Variants in SLC25A48 observed in about 807,000 individuals in gnomAD.
The protein encoded by SLC25A48 is CTC-321K16.1.
SLC25A48 carries 29 observed loss-of-function variants against 32.2 expected under a neutral mutation model. The ratio of observed to expected loss-of-function variants is 0.90; its 90% CI spans 0.67 to 1.23. The LOEUF (loss-of-function observed/expected upper bound fraction) is 1.23, where lower values mean the gene tolerates loss of function less well. SLC25A48 is among the 50% of genes most tolerant of loss of function. The pLI is 0.00. For synonymous variants in SLC25A48, 164 were observed against 172.3 expected (o/e 0.95, Z 0.38); for missense variants, 399 against 422.7 (o/e 0.94, Z 0.49).
At chr5:135,621,130 A>G (rs776630482) in intron 1 of SLC25A48, among the ~76,000 whole-genome samples, 2 of 152,354 alleles carry the variant, frequency 1.3e-5, no homozygotes, top group South Asian at 2.1e-4. Context: ...CATGCTGCCA[A>G]GAGGAAAAGT....
At chr5:135,652,434 A>G (rs768967363) in intron 3 of SLC25A48, 1 of 456,198 alleles carries the variant, frequency 2.2e-6, no homozygotes, top group Non-Finnish European at 4.4e-6. Context: ...GACATTCTCC[A>G]TAGCGTTGCT....
chr5:135,737,842 C>A (rs1413565752), intron 3 of SLC25A48, among the ~76,000 whole-genome samples: 1 of 152,182 alleles, frequency 6.6e-6, no homozygotes, highest in Non-Finnish European at 1.5e-5. Flanking sequence ...ACAAACCCAG[C>A]CTCCTACTTC....
intron 3 of SLC25A48, among the ~76,000 whole-genome samples, chr5:135,662,247 C>G (rs1753421304): frequency 1.3e-5 from 2 of 152,108 alleles, no homozygotes; most frequent in South Asian, 4.1e-4. Flanking sequence ...AATCAGGATC[C>G]TAGTAACCCC....
chr5:135,663,144 T>A (rs550948032), intron 3 of SLC25A48, among the ~76,000 whole-genome samples: 7 of 152,356 alleles, frequency 4.6e-5, no homozygotes, highest in Admixed American at 2.0e-4. Flanking sequence ...GCTCACTGAA[T>A]AAAATTCAGG....
intron 4 of SLC25A48, among the ~76,000 whole-genome samples, chr5:135,867,364 A>G (rs1209938641): frequency 6.6e-6 from 1 of 152,158 alleles, no homozygotes; most frequent in Non-Finnish European, 1.5e-5. Context: ...TCCAAGACTG[A>G]CTTACCAGTA....
intron 1 of SLC25A48, among the ~76,000 whole-genome samples, chr5:135,605,766 C>A (rs1167470636): frequency 6.6e-6 from 1 of 152,070 alleles, no homozygotes; most frequent in Non-Finnish European, 1.5e-5. Context: ...TGTCTTGGAT[C>A]CCGGGAAAAT....
intron 1 of SLC25A48, among the ~76,000 whole-genome samples, chr5:135,594,229 A>G (rs1163406771): frequency 6.6e-6 from 1 of 152,220 alleles, no homozygotes; most frequent in African/African-American, 2.4e-5. Flanking sequence ...GTTGGCTGGG[A>G]TAGACATCTA....
chr5:135,875,625 C>T (rs1251947863), intron 6 of SLC25A48: 1 of 152,202 alleles, frequency 6.6e-6, no homozygotes, highest in African/African-American at 2.4e-5. Context: ...TTTTCAAATG[C>T]TTATTTTTAG....
intron 1 of SLC25A48, among the ~76,000 whole-genome samples, chr5:135,592,526 G>A (rs1046790792): frequency 2.0e-5 from 3 of 152,202 alleles, no homozygotes; most frequent in African/African-American, 7.2e-5. Flanking sequence ...CGTGTTAAGG[G>A]CTCAGCTGGC....
Position 135,704,681 on chromosome 5 carries a change from T to C in SLC25A48, c.-521+69725T>C, listed in dbSNP as rs539853247. Among the ~76,000 whole-genome samples, 71 of 152,296 alleles carry C rather than the reference T, an allele frequency of 4.7e-4. 1 individual carries two copies. Among genetic ancestry groups the C allele is most frequent in the Admixed American group, 1.6e-3 (25 of 15,300 alleles). ...CTCTAGTAAGTCTTGGGGGTAGATA[T>C]TATTATTATTCCCATTTTACAGAAA... On this transcript the variant is annotated intron_variant, in intron 3 of 10. Coordinates refer to the SLC25A48 transcript ENST00000646290.
At chr5:135,618,628 G>A (rs1404935093) in intron 1 of SLC25A48, among the ~76,000 whole-genome samples, 4 of 151,838 alleles carry the variant, frequency 2.6e-5, no homozygotes, top group Admixed American at 2.0e-4. Flanking sequence ...GGTAGTTATT[G>A]TTCTTTCTCC....
chr5:135,680,426 T>G (rs549511955), intron 3 of SLC25A48, among the ~76,000 whole-genome samples: 1 of 152,346 alleles, frequency 6.6e-6, no homozygotes, highest in African/African-American at 2.4e-5. Context: ...AATTTATGGA[T>G]GAATTTGTGA....
chr5:135,686,798 A>G (rs1398308843), intron 3 of SLC25A48, among the ~76,000 whole-genome samples: 1 of 152,232 alleles, frequency 6.6e-6, no homozygotes, highest in African/African-American at 2.4e-5. Context: ...ATAGACAGAT[A>G]TAAGTATGGA....
chr5:135,600,790 C>A (rs181309604), intron 1 of SLC25A48, among the ~76,000 whole-genome samples: 1 of 151,984 alleles, frequency 6.6e-6, no homozygotes, highest in African/African-American at 2.4e-5. Flanking sequence ...TCAAGCAATT[C>A]TCCTGCCTCA....
chr5:135,731,437 T>G (rs1755219234), intron 3 of SLC25A48, among the ~76,000 whole-genome samples: 1 of 152,292 alleles, frequency 6.6e-6, no homozygotes, highest in African/African-American at 2.4e-5. Flanking sequence ...TGGTAAAGTG[T>G]TGGGGCAGCG....
chr5:135,687,871 G>A (rs1347974622), intron 3 of SLC25A48, among the ~76,000 whole-genome samples: 1 of 152,034 alleles, frequency 6.6e-6, no homozygotes, highest in Non-Finnish European at 1.5e-5. Context: ...CTTTTCTGGG[G>A]TCTTTTTTCC....
intron 3 of SLC25A48, among the ~76,000 whole-genome samples, chr5:135,657,504 T>C (rs1457108956): frequency 2.0e-5 from 3 of 152,260 alleles, no homozygotes; most frequent in African/African-American, 7.2e-5. Flanking sequence ...TTGCTCTTTG[T>C]GTATACAGAG....
At chr5:135,879,822 G>A in intron 6 of SLC25A48, 146 bp from the exon 7 acceptor site, 1 of 1,167,076 alleles carries the variant, frequency 8.6e-7, no homozygotes, top group East Asian at 2.6e-5. Flanking sequence ...ACTTCCCTGT[G>A]TGGTCTCTGC....
intron 1 of SLC25A48, 93 bp from the exon 2 acceptor site, chr5:135,842,323 G>A: frequency 1.5e-6 from 2 of 1,351,420 alleles, no homozygotes; most frequent in South Asian, 1.2e-5. Flanking sequence ...ATTGACCGTT[G>A]ACTAAACAAG....
Sources: gnomAD v4.1 joint callset for allele counts (sites outside exome capture counted in the v4.1 genomes callset) on GRCh38, gnomAD v4.1.1 for gene constraint, MANE v1.5 for transcripts, NCBI Gene and HGNC (gene_info 2026-07-23, HGNC 2026-07-21) for gene names.